NKAIN2: variants seen among roughly 807,000 people sequenced by gnomAD.
NKAIN2 encodes sodium/potassium transporting ATPase interacting 2.
In NKAIN2, 14 loss-of-function variants were observed where a neutral mutation model predicts 32.6. The ratio of observed to expected loss-of-function variants is 0.43; its 90% confidence interval spans 0.28 to 0.67. The LOEUF (loss-of-function observed/expected upper bound fraction) is 0.67. Ranked by LOEUF, NKAIN2 falls within the 30% of genes least tolerant of loss-of-function variation. The pLI is 0.17. For missense variants in NKAIN2, 198 were observed against 258.3 expected, an observed-to-expected ratio of 0.77 and a Z score of 1.60; for synonymous variants, 80 against 87.2, an observed-to-expected ratio of 0.92 and a Z score of 0.46.
At position 124,499,334 on chromosome 6, in the gene NKAIN2, TAAAC is replaced by T. The variant is rs574650704; in HGVS notation, c.273+143991_273+143994del. Among the ~76,000 whole-genome samples the T allele has an allele frequency of 3.7e-4, 57 of 152,198 alleles. No homozygotes were observed. The South Asian group carries it at 9.9e-3, about 27-fold the overall frequency. On this transcript the variant is annotated intron_variant, in intron 3 of 6. Coordinates refer to ENST00000368417, the MANE Select transcript of NKAIN2 (RefSeq NM_001040214.3). Reference sequence around the variant, plus strand: ...CCTGTGCACAGTTATAACAGAAAAATAAACAAAACCCAAGTTTAAAGAGCTCCAT... The same window carrying T: ...CCTGTGCACAGTTATAACAGAAAAATAAAACCCAAGTTTAAAGAGCTCCAT...
At chr6:124,150,702 C>T (rs1046563549) in intron 1 of NKAIN2, among the ~76,000 whole-genome samples, 3 of 152,026 alleles carry the variant, frequency 2.0e-5, no homozygotes, top group Admixed American at 6.6e-5. Flanking sequence ...ATGTCGGTCC[C>T]TAGAAATTGA....
intron 2 of NKAIN2, among the ~76,000 whole-genome samples, chr6:124,298,232 T>G (rs1323274485): frequency 6.6e-6 from 1 of 152,134 alleles, no homozygotes. Context: ...TAGCAGAACT[T>G]TTTTTTAATG....
intron 1 of NKAIN2, among the ~76,000 whole-genome samples, chr6:123,978,076 A>T (rs1174990784): frequency 6.6e-6 from 1 of 152,106 alleles, no homozygotes; most frequent in African/African-American, 2.4e-5. Context: ...TTTAAGAAAC[A>T]CTCCTTTCCA....
At chr6:124,602,849 G>A (rs1456977569) in intron 3 of NKAIN2, among the ~76,000 whole-genome samples, 1 of 151,822 alleles carries the variant, frequency 6.6e-6, no homozygotes, top group Non-Finnish European at 1.5e-5. Flanking sequence ...AAACCCCCTT[G>A]CATCCCCACT....
intron 1 of NKAIN2, among the ~76,000 whole-genome samples, chr6:123,961,723 G>A (rs1777861267): frequency 6.6e-6 from 1 of 152,168 alleles, no homozygotes; most frequent in Non-Finnish European, 1.5e-5. Flanking sequence ...ATAGTGTAGG[G>A]CACATTTTTA....
intron 1 of NKAIN2, among the ~76,000 whole-genome samples, chr6:123,820,110 ACT>A (rs916676890): frequency 1.3e-5 from 2 of 152,206 alleles, no homozygotes; most frequent in Non-Finnish European, 2.9e-5. Flanking sequence ...CTAGAGCAGT[ACT>A]GCATTCAAAA....
At chr6:124,479,605 T>C (rs1027815159) in intron 3 of NKAIN2, among the ~76,000 whole-genome samples, 2 of 152,194 alleles carry the variant, frequency 1.3e-5, no homozygotes, top group Non-Finnish European at 2.9e-5. Flanking sequence ...AAGTTTCTTA[T>C]TGAATCATTT....
At chr6:123,945,121 C>T (rs1031349026) in intron 1 of NKAIN2, among the ~76,000 whole-genome samples, 3 of 152,038 alleles carry the variant, frequency 2.0e-5, no homozygotes, top group African/African-American at 4.8e-5. Context: ...ACATTGAACT[C>T]TAATATTTTC....
At chr6:124,147,437 T>A (rs569574504) in intron 1 of NKAIN2, among the ~76,000 whole-genome samples, 1 of 151,888 alleles carries the variant, frequency 6.6e-6, no homozygotes, top group East Asian at 1.9e-4. Flanking sequence ...GAAAAAAAAA[T>A]CCACACAGAA....
chr6:124,180,373 T>C (rs1789383429), intron 1 of NKAIN2, among the ~76,000 whole-genome samples: 1 of 151,980 alleles, frequency 6.6e-6, no homozygotes, highest in African/African-American at 2.4e-5. Flanking sequence ...GGAACTCCCC[T>C]TCATAAAACA....
intron 3 of NKAIN2, among the ~76,000 whole-genome samples, chr6:124,589,752 C>A: frequency 6.6e-6 from 1 of 152,170 alleles, no homozygotes; most frequent in East Asian, 1.9e-4. Flanking sequence ...TGGTGGTTTG[C>A]TGCACCTATC....
chr6:124,256,938 C>T (rs1005030731), intron 1 of NKAIN2, among the ~76,000 whole-genome samples: 1 of 115,448 alleles, frequency 8.7e-6, no homozygotes, highest in Non-Finnish European at 1.6e-5. Context: ...AACTGATATA[C>T]AAACAACGTG....
At chr6:123,928,308 C>T (rs1298105858) in intron 1 of NKAIN2, among the ~76,000 whole-genome samples, 1 of 152,116 alleles carries the variant, frequency 6.6e-6, no homozygotes, top group Non-Finnish European at 1.5e-5. Flanking sequence ...GTACTATGCT[C>T]ACTGCCTGGG....
intron 4 of NKAIN2, among the ~76,000 whole-genome samples, chr6:124,685,843 A>G (rs1773846005): frequency 6.6e-6 from 1 of 152,228 alleles, no homozygotes; most frequent in Non-Finnish European, 1.5e-5. Flanking sequence ...TGCTATATCA[A>G]TTAAGAGTAA....
At chr6:123,962,371 C>G (rs1777885402) in intron 1 of NKAIN2, among the ~76,000 whole-genome samples, 1 of 152,172 alleles carries the variant, frequency 6.6e-6, no homozygotes, top group African/African-American at 2.4e-5. Context: ...GGACTATCAT[C>G]ATTTCAAAGA....
chr6:123,844,104 G>T (rs1362312092), intron 1 of NKAIN2, among the ~76,000 whole-genome samples: 2 of 152,136 alleles, frequency 1.3e-5, no homozygotes, highest in Non-Finnish European at 2.9e-5. Context: ...AGAGACAGGA[G>T]GGCAAGAGAA....
chr6:124,573,561 T>C (rs1764690243), intron 3 of NKAIN2, among the ~76,000 whole-genome samples: 1 of 152,186 alleles, frequency 6.6e-6, no homozygotes, highest in Non-Finnish European at 1.5e-5. Flanking sequence ...ATTATTTTTC[T>C]AAAATGCAAA....
intron 1 of NKAIN2, among the ~76,000 whole-genome samples, chr6:124,222,368 A>G (rs1474065900): frequency 6.6e-6 from 1 of 152,246 alleles, no homozygotes; most frequent in Non-Finnish European, 1.5e-5. Context: ...AAATAAATTT[A>G]CATAAAGATA....
intron 1 of NKAIN2, among the ~76,000 whole-genome samples, chr6:124,164,594 CAT>C (rs764769292): frequency 3.9e-5 from 6 of 152,164 alleles, no homozygotes; most frequent in Non-Finnish European, 5.9e-5. Flanking sequence ...CCAATAGACA[CAT>C]GTTATTAGTA....
Sources: allele counts gnomAD v4.1 joint callset (sites outside exome capture counted in the v4.1 genomes callset), GRCh38; gene constraint gnomAD v4.1.1; transcripts MANE v1.5; gene names NCBI Gene and HGNC (gene_info 2026-07-23, HGNC 2026-07-21).